HORMAD2: variants seen among roughly 807,000 people sequenced by gnomAD.
HORMAD2 encodes HORMA domain containing 2.
A neutral mutation model predicts 38.8 loss-of-function variants in HORMAD2; 45 were observed. The observed-to-expected ratio is 1.16, with a 90% CI of 0.91 to 1.49. The LOEUF is 1.49. HORMAD2 is among the 40% of genes most tolerant of loss of function. HORMAD2 has a pLI of 0.00. For missense variants in HORMAD2, 338 were observed against 367.0 expected (o/e 0.92, Z 0.65); for synonymous variants, 126 against 122.8 (o/e 1.03, Z -0.17).
chr22:30,171,574 G>T (rs1304848228), intron 10 of HORMAD2, among the ~76,000 whole-genome samples: 1 of 152,070 alleles, frequency 6.6e-6, no homozygotes, highest in Non-Finnish European at 1.5e-5. Flanking sequence ...CTCATCACTT[G>T]TATCTGCTTG....
rs547272178 is a variant in HORMAD2 at position 30,134,333 on chromosome 22, A to T, written c.819+12119A>T. On this transcript the variant is annotated intron_variant, in intron 10 of 10. Coordinates refer to ENST00000336726, the MANE Select transcript of HORMAD2 (RefSeq NM_152510.4). Reference sequence around the variant, plus strand: ...AAAATCACTTGAACCCGGGAGGCGAAGGTTGCAGTGAGCCGAGATCACACC... The same window carrying T: ...AAAATCACTTGAACCCGGGAGGCGATGGTTGCAGTGAGCCGAGATCACACC... Among the ~76,000 whole-genome samples the T allele has an allele frequency of 3.3e-5, 5 of 150,284 alleles. No individual in the cohort carries two copies. In the South Asian group the frequency reaches 1.1e-3, roughly 32 times the overall value.
intron 10 of HORMAD2, among the ~76,000 whole-genome samples, chr22:30,149,891 T>G (rs1924644848): frequency 6.6e-6 from 1 of 152,248 alleles, no homozygotes; most frequent in Admixed American, 6.5e-5. Flanking sequence ...TCCTCTTTCT[T>G]CTAGCTTTCA....
At chr22:30,115,937 G>A (rs991937161) in intron 7 of HORMAD2, among the ~76,000 whole-genome samples, 2 of 152,158 alleles carry the variant, frequency 1.3e-5, no homozygotes, top group African/African-American at 4.8e-5. Context: ...GCATGTGACA[G>A]GCCAAATAAC....
the HORMAD2 span, among the ~76,000 whole-genome samples, chr22:30,201,736 T>C: frequency 4.5e-4 from 69 of 152,078 alleles, no homozygotes; most frequent in Non-Finnish European, 7.8e-4. Flanking sequence ...TTAACATACC[T>C]TTTCGGGGGA....
intron 5 of HORMAD2, among the ~76,000 whole-genome samples, chr22:30,108,900 CTT>C (rs1164434478): frequency 6.6e-6 from 1 of 151,658 alleles, no homozygotes; most frequent in Admixed American, 6.6e-5. Flanking sequence ...TTTCTTTTCT[CTT>C]TCTTTCTCTC....
intron 2 of HORMAD2, among the ~76,000 whole-genome samples, chr22:30,096,806 T>G (rs929101063): frequency 3.3e-5 from 5 of 152,166 alleles, no homozygotes; most frequent in Non-Finnish European, 5.9e-5. Context: ...TGATAAAGTT[T>G]AAACACTTTT....
chr22:30,144,125 T>C (rs1248388712), intron 10 of HORMAD2, among the ~76,000 whole-genome samples: 1 of 152,242 alleles, frequency 6.6e-6, no homozygotes, highest in African/African-American at 2.4e-5. Context: ...CTGGGCTTTC[T>C]TTGGCCAATT....
intron 10 of HORMAD2, among the ~76,000 whole-genome samples, chr22:30,140,892 T>C (rs1924024803): frequency 6.6e-6 from 1 of 152,210 alleles, no homozygotes; most frequent in East Asian, 1.9e-4. Context: ...TTTCTTAATA[T>C]AGGCATTTAC....
intron 1 of HORMAD2, among the ~76,000 whole-genome samples, chr22:30,085,764 A>T (rs1222694598): frequency 2.0e-5 from 3 of 152,214 alleles, no homozygotes; most frequent in Non-Finnish European, 4.4e-5. Context: ...ATAAATAAAT[A>T]AATAAAACTT....
intron 7 of HORMAD2, among the ~76,000 whole-genome samples, chr22:30,114,238 A>C (rs932195094): frequency 6.6e-6 from 1 of 152,230 alleles, no homozygotes; most frequent in Admixed American, 6.5e-5. Flanking sequence ...GAATGTTTAC[A>C]GAGTGTTCCC....
intron 10 of HORMAD2, among the ~76,000 whole-genome samples, chr22:30,161,232 C>G (rs1925422877): frequency 6.6e-6 from 1 of 152,156 alleles, no homozygotes; most frequent in African/African-American, 2.4e-5. Flanking sequence ...TGGTCTTTTT[C>G]TGATATTTTA....
chr22:30,118,956 C>G, intron 7 of HORMAD2, 24 bp from the exon 8 acceptor site: 1 of 1,506,250 alleles, frequency 6.6e-7, no homozygotes. Flanking sequence ...TCTTTTTTTT[C>G]TTTATTTCCT....
chr22:30,085,317 T>G (rs559169393), intron 1 of HORMAD2, among the ~76,000 whole-genome samples: 11 of 152,288 alleles, frequency 7.2e-5, no homozygotes, highest in Admixed American at 1.3e-4. Context: ...ATGGGATTTC[T>G]TTTAGGGGTG....
chr22:30,097,134 T>A (rs1302747183), intron 2 of HORMAD2, among the ~76,000 whole-genome samples: 1 of 152,218 alleles, frequency 6.6e-6, no homozygotes, highest in Non-Finnish European at 1.5e-5. Context: ...AGAATAATTA[T>A]GACAAACAGA....
At chr22:30,140,930 T>C (rs553474009) in intron 10 of HORMAD2, among the ~76,000 whole-genome samples, 5 of 152,300 alleles carry the variant, frequency 3.3e-5, no homozygotes, top group African/African-American at 1.2e-4. Context: ...TAAGCAATGC[T>C]TTAGCAGTGT....
rs530200173 is a variant in HORMAD2, at chr22:30,093,844, A to G, written c.-37-72A>G. The G allele has an allele frequency of 6.2e-4, 421 of 675,950 alleles. 12 individuals carry two copies. The South Asian group carries it at 0.01, about 17-fold the overall frequency. 41.9% of individuals were successfully genotyped at this position (675,950 alleles called of 1,614,324 possible). A position where few individuals can be genotyped will look rare whatever the true frequency, so the allele number is the denominator to read the frequency against. On this transcript the variant is annotated intron_variant, in intron 1 of 10. Transcript: ENST00000336726. Reference sequence around the variant, plus strand: ...TTTGCTTTTAGACTTTTTCAGTTTCATTTTTGGGCAGAGTAAGAGAGGAAG... The same window carrying G: ...TTTGCTTTTAGACTTTTTCAGTTTCGTTTTTGGGCAGAGTAAGAGAGGAAG...
At chr22:30,168,171 T>C (rs1318861161) in intron 10 of HORMAD2, among the ~76,000 whole-genome samples, 1 of 152,206 alleles carries the variant, frequency 6.6e-6, no homozygotes, top group Non-Finnish European at 1.5e-5. Flanking sequence ...TCTATACTTT[T>C]ACCACTTAAG....
At chr22:30,142,466 T>C (rs907885969) in intron 10 of HORMAD2, among the ~76,000 whole-genome samples, 1 of 152,226 alleles carries the variant, frequency 6.6e-6, no homozygotes, top group East Asian at 1.9e-4. Flanking sequence ...AGTTCAGGTA[T>C]TGAAGTCTGA....
chr22:30,162,239 G>T (rs898597150), intron 10 of HORMAD2, among the ~76,000 whole-genome samples: 6 of 152,190 alleles, frequency 3.9e-5, no homozygotes, highest in Admixed American at 3.3e-4. Context: ...CCTGAGATGG[G>T]GAGGTCAAGG....
Sources: allele counts gnomAD v4.1 joint callset (sites outside exome capture counted in the v4.1 genomes callset), GRCh38; gene constraint gnomAD v4.1.1; transcripts MANE v1.5; gene names NCBI Gene and HGNC (gene_info 2026-07-23, HGNC 2026-07-21).